EXOC6B: variants seen among roughly 807,000 people sequenced by gnomAD.
EXOC6B encodes the protein SEC15 homolog B.
In EXOC6B, 54 loss-of-function variants were observed where a neutral mutation model predicts 113.5. That is an observed-to-expected ratio of 0.48 (90% confidence interval 0.38 to 0.60). The LOEUF is 0.60. EXOC6B is among the 20% of genes least tolerant of loss of function. The probability of loss-of-function intolerance (pLI) is 0.00; values close to 1 mark genes in which losing one functional copy is unlikely to be tolerated. For missense variants in EXOC6B, 797 were observed against 977.5 expected (o/e 0.82, Z 2.46); for synonymous variants, 357 against 339.0 (o/e 1.05, Z -0.58).
At chr2:72,713,663 T>C (rs1679413686) in intron 6 of EXOC6B, among the ~76,000 whole-genome samples, 1 of 138,986 alleles carries the variant, frequency 7.2e-6, no homozygotes, top group South Asian at 2.4e-4. Flanking sequence ...TTAAAGCCAA[T>C]ACTGTGATTG....
chr2:72,615,993 A>G (rs917549273), intron 6 of EXOC6B, among the ~76,000 whole-genome samples: 13 of 152,266 alleles, frequency 8.5e-5, no homozygotes, highest in African/African-American at 2.6e-4. Context: ...AACCAAAATA[A>G]ACACAAATTT....
At chr2:72,367,424 C>G (rs1042758287) in intron 19 of EXOC6B, among the ~76,000 whole-genome samples, 6 of 152,038 alleles carry the variant, frequency 3.9e-5, no homozygotes, top group African/African-American at 1.4e-4. Flanking sequence ...TAAGCCCAAT[C>G]ATACTGAAAA....
chr2:72,575,005 C>G (rs1410818520), intron 7 of EXOC6B, among the ~76,000 whole-genome samples: 1 of 152,162 alleles, frequency 6.6e-6, no homozygotes, highest in Non-Finnish European at 1.5e-5. Context: ...TGTAATCACT[C>G]ATATATTTAT....
At chr2:72,588,172 T>C (rs1006992209) in intron 6 of EXOC6B, among the ~76,000 whole-genome samples, 2 of 152,148 alleles carry the variant, frequency 1.3e-5, no homozygotes, top group African/African-American at 4.8e-5. Context: ...AGAAATCCCA[T>C]GTCTGGTTAA....
intron 1 of EXOC6B, among the ~76,000 whole-genome samples, chr2:72,766,367 A>C (rs1351316019): frequency 6.6e-6 from 1 of 152,220 alleles, no homozygotes; most frequent in African/African-American, 2.4e-5. Context: ...ATGTCTATTC[A>C]GTCCAAAATT....
At chr2:72,526,314 TA>T (rs1352758891) in intron 8 of EXOC6B, among the ~76,000 whole-genome samples, 1 of 151,920 alleles carries the variant, frequency 6.6e-6, no homozygotes, top group Admixed American at 6.6e-5. Context: ...AGGTACAGTA[TA>T]AGATTTTATA....
At chr2:72,315,286 C>T (rs921890067) in intron 20 of EXOC6B, among the ~76,000 whole-genome samples, 13 of 151,860 alleles carry the variant, frequency 8.6e-5, no homozygotes, top group African/African-American at 2.7e-4. Flanking sequence ...AAGGGGCTAT[C>T]AGAGTGAGAA....
intron 7 of EXOC6B, among the ~76,000 whole-genome samples, chr2:72,566,696 G>T (rs1275684931): frequency 2.0e-5 from 3 of 151,756 alleles, no homozygotes; most frequent in African/African-American, 4.8e-5. Flanking sequence ...GGTAATGTCA[G>T]TTTTTTTTAT....
intron 2 of EXOC6B, among the ~76,000 whole-genome samples, chr2:72,739,954 G>T (rs952288557): frequency 2.6e-5 from 4 of 151,938 alleles, no homozygotes; most frequent in African/African-American, 9.7e-5. Context: ...AAGATATTAA[G>T]GTAAATATTG....
chr2:72,259,596 A>G (rs1484610978), intron 20 of EXOC6B, among the ~76,000 whole-genome samples: 1 of 152,230 alleles, frequency 6.6e-6, no homozygotes, highest in East Asian at 1.9e-4. Flanking sequence ...TTCATAAGAA[A>G]CTGCCAAACC....
At chr2:72,763,119 T>A (rs975465635) in intron 1 of EXOC6B, among the ~76,000 whole-genome samples, 1 of 151,188 alleles carries the variant, frequency 6.6e-6, no homozygotes, top group Non-Finnish European at 1.5e-5. Context: ...AAGGAGAATA[T>A]GAAATGAGAA....
chr2:72,647,698 A>C (rs1673842947), intron 6 of EXOC6B, among the ~76,000 whole-genome samples: 1 of 152,254 alleles, frequency 6.6e-6, no homozygotes, highest in South Asian at 2.1e-4. Flanking sequence ...CCTATTTAAT[A>C]AATGGTGCTG....
chr2:72,427,184 C>T (rs1573095546), intron 18 of EXOC6B, among the ~76,000 whole-genome samples: 1 of 152,192 alleles, frequency 6.6e-6, no homozygotes, highest in Admixed American at 6.5e-5. Flanking sequence ...GGGGCCTGGC[C>T]GAGCCACCCG....
At chr2:72,242,571 G>A (rs1002161584) in intron 20 of EXOC6B, among the ~76,000 whole-genome samples, 2 of 152,054 alleles carry the variant, frequency 1.3e-5, no homozygotes, top group Non-Finnish European at 2.9e-5. Context: ...ACAAAAAAAG[G>A]AACCAAGAAC....
At chr2:72,356,557 AAACT>A (rs756117959) in intron 19 of EXOC6B, among the ~76,000 whole-genome samples, 24 of 152,294 alleles carry the variant, frequency 1.6e-4, no homozygotes, top group Non-Finnish European at 2.8e-4. Flanking sequence ...ACAAAAAAAC[AAACT>A]AACTAACTAA....
chr2:72,523,177 G>T (rs770288484), intron 8 of EXOC6B, among the ~76,000 whole-genome samples: 1 of 152,104 alleles, frequency 6.6e-6, no homozygotes, highest in Non-Finnish European at 1.5e-5. Context: ...AGCTGCTGTA[G>T]GTTACAAATG....
intron 6 of EXOC6B, among the ~76,000 whole-genome samples, chr2:72,615,462 A>G (rs181514696): frequency 6.6e-6 from 1 of 152,120 alleles, no homozygotes. Flanking sequence ...CCAAACCAGA[A>G]TAGGTTCAGA....
At chr2:72,699,946 C>G (rs79506623) in intron 6 of EXOC6B, among the ~76,000 whole-genome samples, 4,719 of 152,212 alleles carry the variant, frequency 0.031, 112 homozygotes, top group Non-Finnish European at 0.047. Flanking sequence ...CTGCAAATAC[C>G]AGTATCTGTG....
At chr2:72,478,477 T>C (rs1204149279) in intron 17 of EXOC6B, among the ~76,000 whole-genome samples, 1 of 152,242 alleles carries the variant, frequency 6.6e-6, no homozygotes, top group Non-Finnish European at 1.5e-5. Context: ...TATTGAGTTC[T>C]GGGTTAGCTA....
Sources: allele counts gnomAD v4.1 joint callset (sites outside exome capture counted in the v4.1 genomes callset), GRCh38; gene constraint gnomAD v4.1.1; transcripts MANE v1.5; gene names NCBI Gene and HGNC (gene_info 2026-07-23, HGNC 2026-07-21).